The following FAT3 variants were observed in gnomAD, a reference collection of about 807,000 sequenced individuals.
FAT3 encodes the protein protocadherin Fat 3.
FAT3 carries 95 observed loss-of-function variants against 310.2 expected under a neutral mutation model. The ratio of observed to expected loss-of-function variants is 0.31; its 90% confidence interval spans 0.26 to 0.36. FAT3 has a LOEUF of 0.36. Ranked by LOEUF, FAT3 falls within the 10% of genes least tolerant of loss-of-function variation. FAT3 has a pLI of 1.00. For synonymous variants in FAT3, 2,314 were observed against 2,192.9 expected (o/e 1.06, Z -1.54); for missense variants, 5,408 against 5,715.6 (o/e 0.95, Z 1.74).
At chr11:92,237,894 T>G (rs1244713231) in intron 1 of FAT3, among the ~76,000 whole-genome samples, 1 of 152,162 alleles carries the variant, frequency 6.6e-6, no homozygotes, top group African/African-American at 2.4e-5. Flanking sequence ...AATGGGAATG[T>G]GGTGTGGGGA....
chr11:92,783,502 TAA>T (rs11349996), intron 7 of FAT3, among the ~76,000 whole-genome samples: 2,085 of 140,174 alleles, frequency 0.015, 38 homozygotes, highest in African/African-American at 0.033. Flanking sequence ...CTTTTTTAAT[TAA>T]AAAAAAAAAA....
At chr11:92,289,354 G>A (rs1023823688) in intron 1 of FAT3, among the ~76,000 whole-genome samples, 5 of 151,974 alleles carry the variant, frequency 3.3e-5, no homozygotes, top group Non-Finnish European at 7.4e-5. Context: ...ATCCTGAATA[G>A]GATCTTTAAA....
rs572302885 is a variant in FAT3 at position 92,561,367 on chromosome 11, T to A, written c.3607+36419T>A. Among the ~76,000 whole-genome samples, 63 of 152,128 alleles carry A rather than the reference T, an allele frequency of 4.1e-4. 1 individual carries two copies. The South Asian group carries it at 0.011, about 27-fold the overall frequency. On this transcript the variant is annotated intron_variant, in intron 3 of 27. Transcript: ENST00000525166. ...GTTCTGAGAGCTGTTTGAAGGAAAG[T>A]GTGACATTTATACAAAGAAAAGTCA...
chr11:92,353,050 T>G lies in FAT3; in HGVS notation c.938T>G (p.Phe313Cys). 1 of 1,613,722 alleles carries G rather than the reference T, an allele frequency of 6.2e-7. No homozygotes were observed. Among genetic ancestry groups the G allele is most frequent in the Non-Finnish European group, 8.5e-7 (1 of 1,179,850 alleles). ...IVAGDPLDQF[F>C]LAKEGKWLNE... ...GCTGGGGATCCTTTAGATCAGTTCT[T>G]CCTGGCTAAGGAAGGAAAGTGGTTG... is the stretch of plus-strand genomic sequence containing the variant. The change falls in exon 2 of 28, where the codon TTC becomes TGC. Residue 313 changes from phenylalanine to cysteine, a missense_variant. Physicochemically the swap from Phe to Cys is radical, Grantham distance 205. This residue lies in a region of FAT3 where 4,588 missense variants were observed against 4,809.8 expected (regional missense o/e 0.95). Coordinates refer to ENST00000525166, the MANE Select transcript of FAT3 (RefSeq NM_001367949.2).
At chr11:92,556,713 C>T (rs1955033581) in intron 3 of FAT3, among the ~76,000 whole-genome samples, 1 of 152,158 alleles carries the variant, frequency 6.6e-6, no homozygotes, top group Non-Finnish European at 1.5e-5. Context: ...CTCTGGGTCC[C>T]TGCAGTCCTT....
chr11:92,355,782 G>A (rs1948712509), intron 2 of FAT3, among the ~76,000 whole-genome samples: 1 of 152,320 alleles, frequency 6.6e-6, no homozygotes, highest in South Asian at 2.1e-4. Context: ...AGTTAGAAGT[G>A]TGAAATGGAT....
At chr11:92,802,082 T>C (rs991499447) in intron 10 of FAT3, among the ~76,000 whole-genome samples, 173 bp downstream of exon 10, 4 of 152,212 alleles carry the variant, frequency 2.6e-5, no homozygotes, top group African/African-American at 9.6e-5. Flanking sequence ...GCTTGTTGGC[T>C]GTTGCTAACT....
Position 92,887,071 on chromosome 11 carries a change from C to A in FAT3, c.13009C>A (p.Gln4337Lys). Residue 4337 changes from glutamine (Q) to lysine (K), a missense_variant, in exon 25 of 28, where the codon CAG becomes AAG. Gln to Lys is a moderately conservative substitution (Grantham distance 53). This residue lies in a region of FAT3 where 649 missense variants were observed against 666.2 expected (regional missense o/e 0.97). Coordinates refer to ENST00000525166, the MANE Select transcript of FAT3 (RefSeq NM_001367949.2). ...TAATAAAGGCAGCAACTCTGAAGTTCAGTCCCTCAGCTCCTTCCAGTCAGA... is the reference window on the plus strand; with the variant it reads ...TAATAAAGGCAGCAACTCTGAAGTTAAGTCCCTCAGCTCCTTCCAGTCAGA... ...GSNKGSNSEV[Q>K]SLSSFQSDSG... 1 of 1,611,966 alleles carries A rather than the reference C, an allele frequency of 6.2e-7. No individual in the cohort carries two copies.
Position 92,853,326 on chromosome 11 carries a change from C to T in FAT3, c.11366-3888C>T, listed in dbSNP as rs569034013. Among the ~76,000 whole-genome samples the T allele has an allele frequency of 1.9e-3, 291 of 152,362 alleles. 3 individuals carry two copies. The highest frequency in any genetic ancestry group is 6.9e-3 in the African/African-American group (285 of 41,596). On this transcript the variant is annotated intron_variant, in intron 19 of 27. Coordinates refer to ENST00000525166, the MANE Select transcript of FAT3 (RefSeq NM_001367949.2). ...CCACACATGGCTTCTGCTGCAGGCA[C>T]TTGCATCCGGACATGCAGAATGCAG...
intron 4 of FAT3, among the ~76,000 whole-genome samples, chr11:92,743,997 C>T (rs960418877): frequency 6.6e-6 from 1 of 152,112 alleles, no homozygotes; most frequent in Non-Finnish European, 1.5e-5. Flanking sequence ...CTGTAAGAAG[C>T]GAGTTTCCTT....
intron 7 of FAT3, among the ~76,000 whole-genome samples, chr11:92,775,797 C>A (rs188998576): frequency 1.9e-4 from 29 of 152,222 alleles, no homozygotes; most frequent in Non-Finnish European, 3.5e-4. Context: ...GACATGCAGC[C>A]AGGGTCGAGG....
At chr11:92,721,913 G>A (rs1825502921) in intron 4 of FAT3, among the ~76,000 whole-genome samples, 1 of 151,978 alleles carries the variant, frequency 6.6e-6, no homozygotes, top group Non-Finnish European at 1.5e-5. Flanking sequence ...AACAGCACAG[G>A]AAAAACCCAC....
chr11:92,811,851 T>C (rs892180597), intron 13 of FAT3, among the ~76,000 whole-genome samples: 2 of 152,252 alleles, frequency 1.3e-5, no homozygotes, highest in African/African-American at 4.8e-5. Context: ...TACCAGATTT[T>C]AGTTCATTTT....
At chr11:92,719,576 A>G (rs1160960924) in intron 4 of FAT3, among the ~76,000 whole-genome samples, 2 of 150,076 alleles carry the variant, frequency 1.3e-5, no homozygotes, top group African/African-American at 4.9e-5. Flanking sequence ...TAGTTTTTAT[A>G]CTATATTACT....
rs540269604 is a variant in FAT3 at position 92,840,664 on chromosome 11, G to A, written c.10471G>A (p.Glu3491Lys). ...PFSFSILSGN[E>K]EEEFVLDPHG... Reference sequence around the variant, plus strand: ...TTCATTCTCTATTTTGTCGGGAAATGAAGAGGAGGAGTTTGTGTTGGACCC... The same window carrying A: ...TTCATTCTCTATTTTGTCGGGAAATAAAGAGGAGGAGTTTGTGTTGGACCC... Residue 3491 changes from glutamate (E) to lysine (K), a missense_variant, in exon 18 of 28, where the codon GAA (glutamate) becomes AAA (lysine). By Grantham distance (56) the Glu-to-Lys change is moderately conservative (BLOSUM62 1). Transcript: ENST00000525166. 2 of 1,613,270 alleles carry A rather than the reference G, an allele frequency of 1.2e-6. No individual in the cohort carries two copies. The highest frequency in any genetic ancestry group is 2.2e-5 in the East Asian group (1 of 44,846).
At chr11:92,502,960 T>A (rs1222694171) in intron 2 of FAT3, among the ~76,000 whole-genome samples, 1 of 152,150 alleles carries the variant, frequency 6.6e-6, no homozygotes, top group East Asian at 1.9e-4. Flanking sequence ...ATATAATGCC[T>A]GTACGTACAG....
chr11:92,756,121 G>C (rs1190815256), intron 4 of FAT3, among the ~76,000 whole-genome samples: 1 of 152,152 alleles, frequency 6.6e-6, no homozygotes, highest in Admixed American at 6.5e-5. Flanking sequence ...AAAGTGTCAA[G>C]GACCAATAAA....
intron 2 of FAT3, among the ~76,000 whole-genome samples, chr11:92,442,106 TATATA>T (rs1420874367): frequency 1.4e-3 from 24 of 17,188 alleles, no homozygotes; most frequent in South Asian, 3.3e-3. Flanking sequence ...TATATATATA[TATATA>T]TTTTTTTTTT....
chr11:92,572,203 C>G (rs1474418859), intron 3 of FAT3, among the ~76,000 whole-genome samples: 1 of 152,128 alleles, frequency 6.6e-6, no homozygotes, highest in Non-Finnish European at 1.5e-5. Flanking sequence ...AATGACAGCT[C>G]CAATTGAGTG....
Sources: gnomAD v4.1 joint callset for allele counts (sites outside exome capture counted in the v4.1 genomes callset) on GRCh38, gnomAD v4.1.1 for gene constraint, gnomAD v4.1.1 regional missense constraint, MANE v1.5 for transcripts, NCBI Gene and HGNC (gene_info 2026-07-23, HGNC 2026-07-21) for gene names.